The following ZFAT variants were observed in gnomAD, a reference collection of about 807,000 sequenced individuals.
The protein encoded by ZFAT is zinc finger protein ZFAT.
Under a neutral mutation model 117.7 loss-of-function variants are expected in ZFAT, and 64 were observed. The observed-to-expected ratio is 0.54, with a 90% CI of 0.44 to 0.67. The LOEUF is 0.67. Among genes scored for constraint, ZFAT ranks in the 30% least tolerant of loss-of-function variants. The probability of loss-of-function intolerance (pLI) is 0.00; values close to 1 mark genes in which losing one functional copy is unlikely to be tolerated. For missense variants in ZFAT, 1,433 were observed against 1,584.5 expected (o/e 0.90, Z 1.62); for synonymous variants, 679 against 615.0 (o/e 1.10, Z -1.54).
chr8:134,662,574 C>T (rs931940288), intron 1 of ZFAT, among the ~76,000 whole-genome samples: 4 of 152,182 alleles, frequency 2.6e-5, no homozygotes, highest in Non-Finnish European at 4.4e-5. Context: ...GCACCCTCAT[C>T]AGGCCTGGGG....
intron 9 of ZFAT, among the ~76,000 whole-genome samples, chr8:134,586,255 G>A (rs1826061864): frequency 6.6e-6 from 1 of 152,162 alleles, no homozygotes; most frequent in Non-Finnish European, 1.5e-5. Flanking sequence ...CTTTCAAATG[G>A]CAAATATGCA....
At chr8:134,595,077 G>A (rs1826827036) in intron 7 of ZFAT, among the ~76,000 whole-genome samples, 1 of 152,138 alleles carries the variant, frequency 6.6e-6, no homozygotes, top group South Asian at 2.1e-4. Context: ...TGACTGAGGA[G>A]GTCATGAATT....
intron 14 of ZFAT, 26 bp from the exon 15 acceptor site, chr8:134,509,775 AC>A: frequency 6.3e-7 from 1 of 1,575,322 alleles, no homozygotes; most frequent in East Asian, 2.2e-5. Flanking sequence ...CAAAGAGGAC[AC>A]CATTCAGGCC....
At chr8:134,603,091 G>T (rs1233308534) in intron 5 of ZFAT, among the ~76,000 whole-genome samples, 158 bp from the exon 6 acceptor site, 1 of 152,190 alleles carries the variant, frequency 6.6e-6, no homozygotes, top group Non-Finnish European at 1.5e-5. Flanking sequence ...CAGGATCAGA[G>T]GGCTCGTGTG....
intron 1 of ZFAT, among the ~76,000 whole-genome samples, chr8:134,686,584 C>G (rs992739537): frequency 5.3e-5 from 8 of 152,200 alleles, no homozygotes; most frequent in African/African-American, 1.9e-4. Context: ...AAGTGAACCT[C>G]TCATTTAAAA....
intron 10 of ZFAT, among the ~76,000 whole-genome samples, chr8:134,582,385 GACA>G (rs1825772249): frequency 6.6e-6 from 1 of 152,228 alleles, no homozygotes; most frequent in Non-Finnish European, 1.5e-5. Context: ...TGCCTCTGGG[GACA>G]GCTGCTCTTC....
At chr8:134,675,891 A>G (rs1832774833) in intron 1 of ZFAT, among the ~76,000 whole-genome samples, 1 of 152,092 alleles carries the variant, frequency 6.6e-6, no homozygotes, top group Non-Finnish European at 1.5e-5. Flanking sequence ...ACAAGCAAAC[A>G]CTGAGAGATT....
At chr8:134,556,210 A>G (rs1823613568) in intron 11 of ZFAT, among the ~76,000 whole-genome samples, 1 of 152,220 alleles carries the variant, frequency 6.6e-6, no homozygotes, top group South Asian at 2.1e-4. Flanking sequence ...AGAAAGGATA[A>G]GTGCACTTGA....
the ZFAT span, among the ~76,000 whole-genome samples, chr8:134,718,510 G>A: frequency 3.9e-5 from 6 of 152,118 alleles, no homozygotes; most frequent in Admixed American, 1.3e-4. Context: ...AAAAAAAATA[G>A]TTTAGGAAAA....
chr8:134,677,537 C>A (rs939393902), intron 1 of ZFAT, among the ~76,000 whole-genome samples: 2 of 152,194 alleles, frequency 1.3e-5, no homozygotes, highest in African/African-American at 4.8e-5. Flanking sequence ...GGTACCATTC[C>A]TTCTGAAACT....
intron 1 of ZFAT, among the ~76,000 whole-genome samples, chr8:134,688,320 C>T (rs1563764617): frequency 6.6e-6 from 1 of 152,150 alleles, no homozygotes. Context: ...CATATACATG[C>T]GCACACATGC....
intron 9 of ZFAT, 130 bp downstream of exon 9, chr8:134,588,116 T>C (rs2130865057): frequency 9.0e-7 from 1 of 1,112,282 alleles, no homozygotes; most frequent in East Asian, 2.6e-5. Context: ...GATGGACACA[T>C]CTCTCAGTGT....
chr8:134,524,795 T>C (rs1021717906), intron 12 of ZFAT, among the ~76,000 whole-genome samples: 2 of 152,226 alleles, frequency 1.3e-5, no homozygotes, highest in African/African-American at 4.8e-5. Flanking sequence ...ACATCCTCAT[T>C]GGTTAATCCA....
At chr8:134,816,372 A>C in the ZFAT span, among the ~76,000 whole-genome samples, 2 of 152,168 alleles carry the variant, frequency 1.3e-5, no homozygotes, top group Non-Finnish European at 2.9e-5. Flanking sequence ...AAAATATTTA[A>C]GGACTGTTAC....
upstream of ZFAT, among the ~76,000 whole-genome samples, chr8:134,715,492 G>A (rs1258349761): frequency 6.6e-6 from 1 of 152,216 alleles, no homozygotes; most frequent in East Asian, 1.9e-4. Context: ...ATGGAGAGAT[G>A]AGTCCACAGC....
chr8:134,618,938 G>A (rs17770844), intron 3 of ZFAT, among the ~76,000 whole-genome samples: 10,976 of 152,202 alleles, frequency 0.072, 467 homozygotes, highest in African/African-American at 0.084. Context: ...GAGACAATCA[G>A]TTTAAAACAT....
At chr8:134,822,904 T>C in the ZFAT span, among the ~76,000 whole-genome samples, 2 of 152,036 alleles carry the variant, frequency 1.3e-5, no homozygotes, top group African/African-American at 2.4e-5. Context: ...TTTTGGAATA[T>C]AAATTCAGAT....
intron 1 of ZFAT, among the ~76,000 whole-genome samples, chr8:134,701,928 A>C (rs1217276195): frequency 3.3e-5 from 5 of 152,178 alleles, no homozygotes; most frequent in African/African-American, 1.2e-4. Flanking sequence ...GGCCTTTAAG[A>C]TGTGATTGGA....
chr8:134,478,337 C>T lies in ZFAT; in HGVS notation c.*145G>A, dbSNP rs1461389634. ...ACTGCCTTGCCCACCCCAAGTTGGA[C>T]TAGGAGAGTCCTATCAGGCTGCTGG... On this transcript the variant is annotated 3_prime_UTR_variant, in exon 16 of 16. Coordinates refer to ENST00000377838, the MANE Select transcript of ZFAT (RefSeq NM_020863.4). The surrounding 1 kb of genome is among the most constrained non-coding windows in gnomAD (Gnocchi z 5.2). 1.6e-6 allele frequency: 2 copies of T among 1,283,698 alleles called. No homozygotes were observed. Among genetic ancestry groups the T allele is most frequent in the Non-Finnish European group, 2.1e-6 (2 of 954,930 alleles). The allele number at this position is 1,283,698 out of a possible 1,614,324, so 79.5% of individuals were successfully genotyped here. A position where few individuals can be genotyped will look rare whatever the true frequency, so the allele number is the denominator to read the frequency against.
Sources: gnomAD v4.1 joint callset for allele counts (sites outside exome capture counted in the v4.1 genomes callset) on GRCh38, gnomAD v4.1.1 for gene constraint, Gnocchi (gnomAD v3.1) non-coding constraint, MANE v1.5 for transcripts, NCBI Gene and HGNC (gene_info 2026-07-23, HGNC 2026-07-21) for gene names.